RBP2: variants seen among roughly 807,000 people sequenced by gnomAD.
RBP2 encodes the protein retinol-binding protein 2.
Under a neutral mutation model 17.0 loss-of-function variants are expected in RBP2, and 17 were observed. The ratio of observed to expected loss-of-function variants is 1.00; its 90% CI spans 0.68 to 1.50. The LOEUF (loss-of-function observed/expected upper bound fraction) is 1.50, where lower values mean the gene tolerates loss of function less well. RBP2 is among the 40% of genes most tolerant of loss of function. The pLI, the probability that RBP2 is intolerant of heterozygous loss-of-function variation, is 0.00. For synonymous variants in RBP2, 48 were observed against 57.1 expected, an observed-to-expected ratio of 0.84 and a Z score of 0.72; for missense variants, 158 against 168.2, an observed-to-expected ratio of 0.94 and a Z score of 0.33.
At position 139,476,485 on chromosome 3, in the gene RBP2, G is replaced by T; in HGVS notation, c.-26C>A. On this transcript the variant is annotated 5_prime_UTR_variant, in exon 1 of 4. Transcript: ENST00000232217. Reference sequence around the variant, plus strand: ...GGTGGTGGCCACTGGTTCGGTGAGGGTTTGTGGTGGATGGCAAGGAGCAGG... The same window carrying T: ...GGTGGTGGCCACTGGTTCGGTGAGGTTTTGTGGTGGATGGCAAGGAGCAGG... 6.2e-7 allele frequency: 1 copy of T among 1,608,124 alleles called. No homozygotes were observed. The highest frequency in any genetic ancestry group is 8.5e-7 in the Non-Finnish European group (1 of 1,174,760).
intron 1 of RBP2, among the ~76,000 whole-genome samples, chr3:139,469,911 G>T (rs1933502536): frequency 6.6e-6 from 1 of 152,124 alleles, no homozygotes; most frequent in African/African-American, 2.4e-5. Flanking sequence ...AGGGCTGTGG[G>T]TGTTAGAAGC....
At chr3:139,470,737 C>T (rs1322115104) in intron 1 of RBP2, among the ~76,000 whole-genome samples, 3 of 151,932 alleles carry the variant, frequency 2.0e-5, no homozygotes, top group Admixed American at 2.0e-4. Context: ...TGCTACCAGG[C>T]CCAGCTAATT....
At chr3:139,475,928 C>T (rs1156699373) in intron 1 of RBP2, among the ~76,000 whole-genome samples, 2 of 152,182 alleles carry the variant, frequency 1.3e-5, no homozygotes, top group East Asian at 1.9e-4. Context: ...TTGATTTTCC[C>T]TAGGCTGAGA....
At chr3:139,474,309 G>A (rs1430555020) in intron 1 of RBP2, among the ~76,000 whole-genome samples, 1 of 152,144 alleles carries the variant, frequency 6.6e-6, no homozygotes, top group Admixed American at 6.6e-5. Flanking sequence ...AGAGCTGATG[G>A]TGTAGTGTAC....
At chr3:139,467,750 T>C (rs1001482774) in intron 1 of RBP2, among the ~76,000 whole-genome samples, 1 of 152,122 alleles carries the variant, frequency 6.6e-6, no homozygotes, top group Admixed American at 6.6e-5. Flanking sequence ...AGAGTGAAAG[T>C]TTTGGGTCAT....
chr3:139,468,208 G>T (rs376706629), intron 1 of RBP2, among the ~76,000 whole-genome samples: 1 of 152,292 alleles, frequency 6.6e-6, no homozygotes, highest in South Asian at 2.1e-4. Context: ...AACTGAGGCC[G>T]TGAGAATTTA....
intron 1 of RBP2, among the ~76,000 whole-genome samples, chr3:139,471,074 A>G (rs1241837348): frequency 6.6e-6 from 1 of 151,980 alleles, no homozygotes; most frequent in Non-Finnish European, 1.5e-5. Context: ...ATAACCTTAA[A>G]CTATTTGTTT....
At chr3:139,455,914 A>C (rs1231982275) in intron 2 of RBP2, among the ~76,000 whole-genome samples, 1 of 152,184 alleles carries the variant, frequency 6.6e-6, no homozygotes, top group East Asian at 1.9e-4. Context: ...CCCTGTGTAC[A>C]TGTTTACAAA....
At chr3:139,467,716 A>G (rs576505245) in intron 1 of RBP2, among the ~76,000 whole-genome samples, 58 of 152,304 alleles carry the variant, frequency 3.8e-4, no homozygotes, top group Non-Finnish European at 7.1e-4. Context: ...TGGGTCAAGT[A>G]GGGACCAAGT....
At chr3:139,457,205 A>G (rs1933001299) in intron 2 of RBP2, among the ~76,000 whole-genome samples, 1 of 152,214 alleles carries the variant, frequency 6.6e-6, no homozygotes, top group African/African-American at 2.4e-5. Flanking sequence ...ATGAATCTCT[A>G]TTTGTTGAAA....
chr3:139,465,207 G>A (rs1274701717), intron 1 of RBP2, among the ~76,000 whole-genome samples: 1 of 152,106 alleles, frequency 6.6e-6, no homozygotes, highest in Non-Finnish European at 1.5e-5. Context: ...TAGTTTTATG[G>A]GGATACATAG....
At chr3:139,459,400 A>ATATGTGTGTGTGTGTGTGTGTG (rs111417242) in intron 2 of RBP2, among the ~76,000 whole-genome samples, 2 of 128,552 alleles carry the variant, frequency 1.6e-5, no homozygotes, top group African/African-American at 5.9e-5. Context: ...TACTATATAT[A>ATATGTGTGTGTGTGTGTGTGTG]TGTGTGTGTG....
At chr3:139,467,227 T>C (rs548010061) in intron 1 of RBP2, among the ~76,000 whole-genome samples, 2 of 152,354 alleles carry the variant, frequency 1.3e-5, no homozygotes, top group South Asian at 4.1e-4. Context: ...GTTCCTGGGC[T>C]GGCAGCAGCA....
At chr3:139,465,910 T>C (rs1010911506) in intron 1 of RBP2, among the ~76,000 whole-genome samples, 2 of 152,142 alleles carry the variant, frequency 1.3e-5, no homozygotes, top group African/African-American at 4.8e-5. Context: ...CTGTGAGGCA[T>C]GGGGTGTGGG....
At chr3:139,466,383 G>A (rs1220744718) in intron 1 of RBP2, 1 of 152,184 alleles carries the variant, frequency 6.6e-6, no homozygotes, top group Non-Finnish European at 1.5e-5. Context: ...CTGCTGACCT[G>A]TTTAGGTAGG....
At chr3:139,463,496 T>G (rs1271377977) in intron 1 of RBP2, among the ~76,000 whole-genome samples, 3 of 152,204 alleles carry the variant, frequency 2.0e-5, no homozygotes. Context: ...TCTTCTGTTG[T>G]TTTTAAGGGA....
intron 2 of RBP2, among the ~76,000 whole-genome samples, chr3:139,458,692 A>G (rs368156556): frequency 2.0e-5 from 3 of 152,282 alleles, no homozygotes; most frequent in Non-Finnish European, 2.9e-5. Context: ...GACGTCTCAC[A>G]TACATCACAC....
At chr3:139,465,239 T>C (rs543043842) in intron 1 of RBP2, among the ~76,000 whole-genome samples, 35 of 152,118 alleles carry the variant, frequency 2.3e-4, no homozygotes, top group African/African-American at 8.0e-4. Flanking sequence ...TTAGGTAAGG[T>C]GAATCTGCGA....
intron 3 of RBP2, among the ~76,000 whole-genome samples, chr3:139,453,966 GCTGTGAAGGGCA>G (rs1254709740): frequency 6.6e-6 from 1 of 152,222 alleles, no homozygotes; most frequent in African/African-American, 2.4e-5. Context: ...AGCAAGGCTG[GCTGTGAAGGGCA>G]CTGTGGCAAC....
Sources: gnomAD v4.1 joint callset for allele counts (sites outside exome capture counted in the v4.1 genomes callset) on GRCh38, gnomAD v4.1.1 for gene constraint, MANE v1.5 for transcripts, NCBI Gene and HGNC (gene_info 2026-07-23, HGNC 2026-07-21) for gene names.